The following ERG variants were observed in gnomAD, a reference collection of about 807,000 sequenced individuals.
ERG encodes transcriptional regulator ERG.
Under a neutral mutation model 55.3 loss-of-function variants are expected in ERG, and 9 were observed. The ratio of observed to expected loss-of-function variants is 0.16; its 90% CI spans 0.10 to 0.28. ERG has a LOEUF of 0.28. Among genes scored for constraint, ERG ranks in the 10% least tolerant of loss-of-function variants. ERG has a pLI of 1.00. For synonymous variants in ERG, 223 were observed against 237.3 expected (o/e 0.94, Z 0.55); for missense variants, 434 against 631.6 (o/e 0.69, Z 3.35).
At chr21:38,423,691 G>T in intron 2 of ERG, 130 bp from the exon 3 acceptor site, 1 of 1,001,506 alleles carries the variant, frequency 1.0e-6, no homozygotes. Flanking sequence ...GGACAAGTGT[G>T]AAAAGCCAAA....
intron 1 of ERG, among the ~76,000 whole-genome samples, chr21:38,474,393 CCTTGT>C (rs1445413122): frequency 6.6e-6 from 1 of 152,186 alleles, no homozygotes; most frequent in Non-Finnish European, 1.5e-5. Flanking sequence ...CACATGATCT[CCTTGT>C]CTCATGACCA....
intron 1 of ERG, among the ~76,000 whole-genome samples, chr21:38,638,625 G>A (rs2060404987): frequency 6.6e-6 from 1 of 152,342 alleles, no homozygotes; most frequent in Admixed American, 6.5e-5. Flanking sequence ...CAGTTGATGA[G>A]TGAGGGGACC....
chr21:38,563,749 ACTTC>A (rs2059906642), intron 2 of ERG, among the ~76,000 whole-genome samples: 1 of 152,252 alleles, frequency 6.6e-6, no homozygotes, highest in Non-Finnish European at 1.5e-5. Flanking sequence ...TTATGTGATC[ACTTC>A]AAGTAATTTA....
chr21:38,448,650 C>T (rs2058913967), intron 1 of ERG, among the ~76,000 whole-genome samples: 1 of 152,224 alleles, frequency 6.6e-6, no homozygotes, highest in Admixed American at 6.5e-5. Flanking sequence ...ATTCCCACAA[C>T]AGCGGTCACT....
At chr21:38,428,137 T>C (rs1204263835) in intron 2 of ERG, among the ~76,000 whole-genome samples, 2 of 150,466 alleles carry the variant, frequency 1.3e-5, no homozygotes, top group Admixed American at 6.6e-5. Context: ...GCTGAGATCA[T>C]GCTACTGCAC....
chr21:38,453,896 A>AAAG (rs1555901452), intron 1 of ERG, among the ~76,000 whole-genome samples: 44 of 151,686 alleles, frequency 2.9e-4, no homozygotes, highest in Admixed American at 5.9e-4. Flanking sequence ...AAAAAAAAAA[A>AAAG]AAGAAGAAGA....
chr21:38,641,279 C>T (rs1215663856), intron 1 of ERG, among the ~76,000 whole-genome samples: 3 of 152,172 alleles, frequency 2.0e-5, no homozygotes, highest in Non-Finnish European at 2.9e-5. Context: ...CCAGAGAGAG[C>T]TCCCTTCACC....
At chr21:38,599,939 T>C (rs908589607) in intron 1 of ERG, among the ~76,000 whole-genome samples, 3 of 152,208 alleles carry the variant, frequency 2.0e-5, no homozygotes, top group Non-Finnish European at 4.4e-5. Context: ...CAGGTAAACC[T>C]GTAGCAAAGC....
At chr21:38,403,453 G>A in intron 4 of ERG, 53 bp downstream of exon 4, 1 of 1,572,598 alleles carries the variant, frequency 6.4e-7, no homozygotes, top group Non-Finnish European at 8.7e-7. Flanking sequence ...TGAAGCTCAG[G>A]TCATAAGAAC....
chr21:38,471,847 C>T (rs1036544305), intron 1 of ERG: 1 of 152,172 alleles, frequency 6.6e-6, no homozygotes, highest in African/African-American at 2.4e-5. Flanking sequence ...ATCCAACAAA[C>T]CTATTTGTGG....
At chr21:38,526,763 C>T (rs138580705) in intron 2 of ERG, among the ~76,000 whole-genome samples, 2 of 152,008 alleles carry the variant, frequency 1.3e-5, no homozygotes, top group Admixed American at 1.3e-4. Context: ...CCTGGATTAA[C>T]GTTATAATAA....
chr21:38,649,671 G>A (rs999301832), intron 1 of ERG, among the ~76,000 whole-genome samples: 1 of 152,112 alleles, frequency 6.6e-6, no homozygotes, highest in East Asian at 1.9e-4. Context: ...TGCAGCTTAC[G>A]GCATCAAGTG....
At chr21:38,624,883 A>T (rs1182066527) in intron 1 of ERG, among the ~76,000 whole-genome samples, 1 of 152,244 alleles carries the variant, frequency 6.6e-6, no homozygotes, top group Non-Finnish European at 1.5e-5. Context: ...TAAGCATTTT[A>T]AAAAGAATAT....
At chr21:38,432,739 T>C (rs1990272519) in intron 2 of ERG, among the ~76,000 whole-genome samples, 3 of 152,174 alleles carry the variant, frequency 2.0e-5, no homozygotes, top group Admixed American at 2.0e-4. Flanking sequence ...AGAGGTTGGA[T>C]AACTTGCCCA....
chr21:38,579,371 T>C (rs1158359610), intron 1 of ERG, among the ~76,000 whole-genome samples: 1 of 152,128 alleles, frequency 6.6e-6, no homozygotes. Flanking sequence ...TGCAACACAG[T>C]CCTGATCCTT....
At chr21:38,490,754 C>A (rs552644677) in intron 1 of ERG, among the ~76,000 whole-genome samples, 36 of 152,362 alleles carry the variant, frequency 2.4e-4, no homozygotes, top group Non-Finnish European at 4.6e-4. Context: ...GGAAGTCCTG[C>A]AGCATCAAAC....
chr21:38,437,232 A>G (rs1227165724), intron 2 of ERG, among the ~76,000 whole-genome samples: 1 of 152,022 alleles, frequency 6.6e-6, no homozygotes, highest in Non-Finnish European at 1.5e-5. Flanking sequence ...AAGCTAACAC[A>G]GTCCATGATG....
intron 2 of ERG, among the ~76,000 whole-genome samples, chr21:38,567,713 G>C (rs553912311): frequency 6.6e-6 from 1 of 152,306 alleles, no homozygotes; most frequent in African/African-American, 2.4e-5. Context: ...TCTTTTGTCA[G>C]CCAGTGGGGG....
intron 1 of ERG, among the ~76,000 whole-genome samples, chr21:38,641,515 C>A (rs2060424848): frequency 6.6e-6 from 1 of 152,208 alleles, no homozygotes; most frequent in Admixed American, 6.5e-5. Context: ...CCCCTTCCCA[C>A]CACAGTCTCA....
Sources: gnomAD v4.1 joint callset for allele counts (sites outside exome capture counted in the v4.1 genomes callset) on GRCh38, gnomAD v4.1.1 for gene constraint, MANE v1.5 for transcripts, NCBI Gene and HGNC (gene_info 2026-07-23, HGNC 2026-07-21) for gene names.